The following PAK1 variants were observed in gnomAD, a reference collection of about 807,000 sequenced individuals.
PAK1 encodes the protein serine/threonine-protein kinase PAK 1.
Under a neutral mutation model 67.4 loss-of-function variants are expected in PAK1, and 29 were observed. That is an observed-to-expected ratio of 0.43 (90% CI 0.32 to 0.59). The LOEUF (loss-of-function observed/expected upper bound fraction) is 0.59. PAK1 is among the 20% of genes least tolerant of loss of function. The pLI, the probability that PAK1 is intolerant of heterozygous loss-of-function variation, is 0.07. For missense variants in PAK1, 337 were observed against 670.7 expected (o/e 0.50, Z 5.50); for synonymous variants, 223 against 237.4 (o/e 0.94, Z 0.56).
chr11:77,499,503 C>T, the PAK1 span, among the ~76,000 whole-genome samples: 6 of 152,206 alleles, frequency 3.9e-5, no homozygotes. Context: ...AATGCATTTC[C>T]TCCTTTTTAT....
At chr11:77,489,580 C>T in the PAK1 span, among the ~76,000 whole-genome samples, 22 of 152,306 alleles carry the variant, frequency 1.4e-4, no homozygotes, top group African/African-American at 5.1e-4. Flanking sequence ...TGCGGAGTGC[C>T]TGCGATTGCA....
intron 1 of PAK1, among the ~76,000 whole-genome samples, chr11:77,450,156 T>C (rs1005213689): frequency 2.0e-5 from 3 of 152,196 alleles, no homozygotes; most frequent in African/African-American, 7.2e-5. Context: ...CCACAGTATA[T>C]ATGCTCAGAA....
chr11:77,486,812 G>C, the PAK1 span, among the ~76,000 whole-genome samples: 1 of 152,228 alleles, frequency 6.6e-6, no homozygotes, highest in African/African-American at 2.4e-5. Context: ...GTTCCAGCAA[G>C]CCTCATCATT....
intron 1 of PAK1, among the ~76,000 whole-genome samples, chr11:77,416,975 G>A (rs1037325753): frequency 6.6e-6 from 1 of 151,640 alleles, no homozygotes; most frequent in African/African-American, 2.4e-5. Flanking sequence ...AAGTACATAT[G>A]TGTTCTATAC....
chr11:77,524,740 A>T, the PAK1 span, among the ~76,000 whole-genome samples: 4 of 152,240 alleles, frequency 2.6e-5, no homozygotes, highest in Non-Finnish European at 5.9e-5. Flanking sequence ...TGAATGAATG[A>T]AGCTTCCTCA....
At chr11:77,466,929 G>C (rs887852050) in intron 1 of PAK1, among the ~76,000 whole-genome samples, 7 of 152,118 alleles carry the variant, frequency 4.6e-5, no homozygotes, top group Non-Finnish European at 8.8e-5. Flanking sequence ...GCTAACCCAG[G>C]GGATTGTCCA....
intron 14 of PAK1, among the ~76,000 whole-genome samples, chr11:77,326,796 T>C (rs982466209): frequency 1.3e-5 from 2 of 152,132 alleles, no homozygotes; most frequent in African/African-American, 4.8e-5. Flanking sequence ...AGAATGACTC[T>C]GACGAGTTGA....
intron 1 of PAK1, among the ~76,000 whole-genome samples, chr11:77,458,859 A>G (rs1021357754): frequency 6.6e-6 from 1 of 152,256 alleles, no homozygotes; most frequent in African/African-American, 2.4e-5. Flanking sequence ...ATATGTATTA[A>G]GAGCCTACTA....
chr11:77,337,541 G>C (rs1248201906), intron 11 of PAK1, 118 bp from the exon 12 acceptor site: 2 of 506,944 alleles, frequency 3.9e-6, no homozygotes, highest in Non-Finnish European at 7.0e-6. Flanking sequence ...TAAGGCCCCA[G>C]TGAGTAAAAG....
chr11:77,486,224 G>A, the PAK1 span, among the ~76,000 whole-genome samples: 9 of 151,988 alleles, frequency 5.9e-5, no homozygotes, highest in Admixed American at 3.3e-4. Flanking sequence ...ATTGCAGGCC[G>A]GCCATGTGGC....
chr11:77,505,645 G>A, the PAK1 span, among the ~76,000 whole-genome samples: 3 of 152,220 alleles, frequency 2.0e-5, no homozygotes, highest in East Asian at 1.9e-4. Context: ...GGTATCTCAC[G>A]TAAGTGGAAT....
chr11:77,327,626 T>C (rs1940336896), intron 14 of PAK1, among the ~76,000 whole-genome samples: 1 of 152,170 alleles, frequency 6.6e-6, no homozygotes, highest in Non-Finnish European at 1.5e-5. Context: ...CAAGAGCTCC[T>C]GAAGGAAGCA....
intron 1 of PAK1, among the ~76,000 whole-genome samples, chr11:77,393,949 A>G (rs584909): frequency 0.7 from 106,704 of 152,088 alleles, 38,286 homozygotes; most frequent in African/African-American, 0.85. Flanking sequence ...GCTGCAGTGA[A>G]CCAAGATCGC....
intron 2 of PAK1, among the ~76,000 whole-genome samples, chr11:77,390,834 G>A (rs767331667): frequency 6.6e-6 from 1 of 151,962 alleles, no homozygotes; most frequent in Non-Finnish European, 1.5e-5. Context: ...AAACCCAAAG[G>A]GAAGTGAAGG....
At chr11:77,346,964 C>G (rs555969736) in intron 9 of PAK1, 1 of 450,990 alleles carries the variant, frequency 2.2e-6, no homozygotes, top group South Asian at 1.6e-5. Flanking sequence ...CCAGCACTAA[C>G]ATTCTTCCTA....
intron 8 of PAK1, among the ~76,000 whole-genome samples, chr11:77,350,209 T>C (rs1169187782): frequency 6.6e-6 from 1 of 152,184 alleles, no homozygotes; most frequent in Non-Finnish European, 1.5e-5. Context: ...CTGTAGTTTG[T>C]ATTATAAAAG....
At chr11:77,491,152 A>G in the PAK1 span, among the ~76,000 whole-genome samples, 4 of 151,872 alleles carry the variant, frequency 2.6e-5, no homozygotes, top group East Asian at 1.9e-4. Context: ...AAAAAATTAA[A>G]GAGACATAAA....
chr11:77,378,965 A>G (rs1398988690), intron 4 of PAK1, among the ~76,000 whole-genome samples: 1 of 152,196 alleles, frequency 6.6e-6, no homozygotes, highest in Non-Finnish European at 1.5e-5. Flanking sequence ...AGAACCTAGT[A>G]AAGGTCAGAA....
At chr11:77,493,738 C>G in the PAK1 span, among the ~76,000 whole-genome samples, 3 of 151,998 alleles carry the variant, frequency 2.0e-5, no homozygotes, top group African/African-American at 7.3e-5. Context: ...CCACAACACC[C>G]CTATAAAATA....
Sources: allele counts gnomAD v4.1 joint callset (sites outside exome capture counted in the v4.1 genomes callset), GRCh38; gene constraint gnomAD v4.1.1; transcripts MANE v1.5; gene names NCBI Gene and HGNC (gene_info 2026-07-23, HGNC 2026-07-21).